The following FAF1 variants were observed in gnomAD, a reference collection of about 807,000 sequenced individuals.
FAF1 encodes Fas associated factor 1, also known as FAS-associated factor 1.
Under a neutral mutation model 92.5 loss-of-function variants are expected in FAF1, and 25 were observed. That is an observed-to-expected ratio of 0.27 (90% CI 0.20 to 0.38). FAF1 has a LOEUF of 0.38. Ranked by LOEUF, FAF1 falls within the 10% of genes least tolerant of loss-of-function variation. FAF1 has a pLI of 1.00. For missense variants in FAF1, 636 were observed against 793.3 expected (o/e 0.80, Z 2.38); for synonymous variants, 234 against 273.2 (o/e 0.86, Z 1.42).
At chr1:50,942,035 T>C (rs1645137653) in intron 1 of FAF1, among the ~76,000 whole-genome samples, 1 of 152,198 alleles carries the variant, frequency 6.6e-6, no homozygotes, top group African/African-American at 2.4e-5. Context: ...AAATCTGAGT[T>C]CCAATCCCAC....
At chr1:50,726,957 T>C (rs1658688667) in intron 6 of FAF1, among the ~76,000 whole-genome samples, 1 of 152,280 alleles carries the variant, frequency 6.6e-6, no homozygotes. Flanking sequence ...CTTCAGTCCT[T>C]TTCTAGCAAG....
intron 7 of FAF1, among the ~76,000 whole-genome samples, chr1:50,686,499 A>T (rs1196644067): frequency 4.0e-5 from 6 of 151,208 alleles, no homozygotes; most frequent in Non-Finnish European, 8.8e-5. Context: ...CTGAGATTGC[A>T]CCATTGCGCT....
chr1:50,896,899 C>G (rs1314866512), intron 1 of FAF1, among the ~76,000 whole-genome samples: 1 of 151,788 alleles, frequency 6.6e-6, no homozygotes, highest in African/African-American at 2.4e-5. Flanking sequence ...TACTTAATAC[C>G]ACTGGATCTG....
At chr1:50,740,214 G>C (rs903221630) in intron 5 of FAF1, among the ~76,000 whole-genome samples, 4 of 152,056 alleles carry the variant, frequency 2.6e-5, no homozygotes. Flanking sequence ...TAAAAATAAA[G>C]CAGGGAAGGG....
intron 1 of FAF1, among the ~76,000 whole-genome samples, chr1:50,876,227 TACA>T (rs1430840900): frequency 6.6e-6 from 1 of 152,154 alleles, no homozygotes; most frequent in African/African-American, 2.4e-5. Flanking sequence ...GAACATTCCA[TACA>T]GAGAAAACAT....
intron 1 of FAF1, among the ~76,000 whole-genome samples, chr1:50,881,814 G>A (rs1449709643): frequency 6.6e-6 from 1 of 152,126 alleles, no homozygotes; most frequent in Non-Finnish European, 1.5e-5. Flanking sequence ...TAATTTTAAT[G>A]TTGAACTAAG....
chr1:50,704,663 A>T, intron 7 of FAF1, among the ~76,000 whole-genome samples: 1 of 152,298 alleles, frequency 6.6e-6, no homozygotes, highest in East Asian at 1.9e-4. Flanking sequence ...CAATTTATAC[A>T]TATTTAAAAT....
In FAF1 at chr1:50,852,044, T is replaced by C. The variant is rs375682098; in HGVS notation, c.114+5885A>G. Among the ~76,000 whole-genome samples the C allele has an allele frequency of 6.6e-5, 10 of 152,134 alleles. No homozygotes were observed. In the East Asian group the frequency reaches 1.5e-3, roughly 24 times the overall value. ...GGCTATATAATGAGCTTTCCTTATA[T>C]AGAATGGCACAACCAAATATAAACA... On this transcript the variant is annotated intron_variant, in intron 2 of 18. Coordinates refer to ENST00000396153, the MANE Select transcript of FAF1 (RefSeq NM_007051.3).
chr1:50,627,942 G>A (rs1243319165), intron 8 of FAF1, among the ~76,000 whole-genome samples: 1 of 152,096 alleles, frequency 6.6e-6, no homozygotes, highest in Admixed American at 6.6e-5. Flanking sequence ...TATTCTGGTG[G>A]AGAAACAAAT....
intron 7 of FAF1, among the ~76,000 whole-genome samples, chr1:50,665,632 T>G (rs1311794296): frequency 6.6e-6 from 1 of 152,272 alleles, no homozygotes; most frequent in East Asian, 1.9e-4. Flanking sequence ...TCTGGCTGTT[T>G]TTGCACTACC....
intron 13 of FAF1, among the ~76,000 whole-genome samples, chr1:50,543,172 T>C (rs1201368714): frequency 6.6e-6 from 1 of 152,200 alleles, no homozygotes; most frequent in African/African-American, 2.4e-5. Flanking sequence ...TAATCTTGTT[T>C]AAATTCAAAA....
At chr1:50,554,963 A>G (rs1649497333) in intron 13 of FAF1, among the ~76,000 whole-genome samples, 1 of 152,170 alleles carries the variant, frequency 6.6e-6, no homozygotes, top group East Asian at 1.9e-4. Flanking sequence ...CTGTCTGCAC[A>G]AACAATGAGA....
intron 1 of FAF1, among the ~76,000 whole-genome samples, chr1:50,942,651 A>G (rs989935332): frequency 5.9e-5 from 9 of 152,144 alleles, no homozygotes; most frequent in Non-Finnish European, 1.0e-4. Context: ...GCCTGTTACA[A>G]TTTCATGGAT....
At chr1:50,951,126 C>T (rs892575220) in intron 1 of FAF1, among the ~76,000 whole-genome samples, 3 of 152,198 alleles carry the variant, frequency 2.0e-5, no homozygotes, top group African/African-American at 4.8e-5. Context: ...CCCAGCTACT[C>T]AGGAGGCTAA....
At chr1:50,739,172 T>A (rs1346245589) in intron 5 of FAF1, among the ~76,000 whole-genome samples, 1 of 151,970 alleles carries the variant, frequency 6.6e-6, no homozygotes, top group Non-Finnish European at 1.5e-5. Flanking sequence ...TGTATACCTA[T>A]ATATATTGTA....
intron 9 of FAF1, among the ~76,000 whole-genome samples, chr1:50,589,874 C>A (rs529166731): frequency 4.6e-5 from 7 of 152,086 alleles, no homozygotes; most frequent in Non-Finnish European, 8.8e-5. Context: ...AGGTAAGGGT[C>A]CAACTTCATT....
intron 13 of FAF1, among the ~76,000 whole-genome samples, chr1:50,550,998 G>A (rs1413181196): frequency 6.6e-6 from 1 of 152,214 alleles, no homozygotes. Flanking sequence ...ATGATTATAT[G>A]CCTATGACAT....
At chr1:50,519,989 T>C (rs1409232538) in intron 15 of FAF1, among the ~76,000 whole-genome samples, 1 of 152,204 alleles carries the variant, frequency 6.6e-6, no homozygotes, top group East Asian at 1.9e-4. Context: ...GCATCATCCA[T>C]ATATCTCCTG....
At position 50,738,949 on chromosome 1, in the gene FAF1, G is replaced by C. The variant is rs146824758; in HGVS notation, c.465C>G (p.Val155=). ...WKTGDVEDST[V]LKSLHLPKNN... ...TTTTTGGCAAGTGTAGAGATTTTAG[G>C]ACCGTCTGAAAAAGAAAAAACACAG... The change falls in exon 6 of 19, where the codon GTC becomes GTG. Residue 155 remains valine, a synonymous_variant. Coordinates refer to ENST00000396153, the MANE Select transcript of FAF1 (RefSeq NM_007051.3). 6.3e-7 allele frequency: 1 copy of C among 1,588,722 alleles called. No individual in the cohort carries two copies. The highest frequency in any genetic ancestry group is 8.6e-7 in the Non-Finnish European group (1 of 1,166,044).
Sources: allele counts gnomAD v4.1 joint callset (sites outside exome capture counted in the v4.1 genomes callset), GRCh38; gene constraint gnomAD v4.1.1; transcripts MANE v1.5; gene names NCBI Gene and HGNC (gene_info 2026-07-23, HGNC 2026-07-21).